Variants in SENP7 observed in about 807,000 individuals in gnomAD.
SENP7 encodes SUMO specific peptidase 7.
Under a neutral mutation model 141.2 loss-of-function variants are expected in SENP7, and 64 were observed. The ratio of observed to expected loss-of-function variants is 0.45; its 90% confidence interval spans 0.37 to 0.56. The LOEUF is 0.56. SENP7 is among the 20% of genes least tolerant of loss of function. SENP7 has a pLI of 0.00. For synonymous variants in SENP7, 382 were observed against 426.4 expected (o/e 0.90, Z 1.28); for missense variants, 1,025 against 1,212.2 (o/e 0.85, Z 2.29).
chr3:101,457,208 T>G, intron 4 of SENP7: 1 of 1,488,962 alleles, frequency 6.7e-7, no homozygotes, highest in South Asian at 1.1e-5. Flanking sequence ...CCCAGTAACT[T>G]CTTCAAGTTT....
At chr3:101,443,426 G>A (rs6781763) in intron 4 of SENP7, among the ~76,000 whole-genome samples, 59,269 of 150,288 alleles carry the variant, frequency 0.39, 12,227 homozygotes, top group Admixed American at 0.53. Context: ...TTGATTTGGC[G>A]ATGCGGGCTC....
At position 101,327,681 on chromosome 3, in the gene SENP7, C is replaced by G. The variant is rs769882507; in HGVS notation, c.3000G>C (p.Val1000=). 4 of 1,599,210 alleles carry G rather than the reference C, an allele frequency of 2.5e-6. No individual in the cohort carries two copies. Among genetic ancestry groups the G allele is most frequent in the Non-Finnish European group, 2.6e-6 (3 of 1,174,198 alleles). ...CTTCACATACCTTGAAGAAGCTTTC[C>G]ACATACTGCAATAAATATACTCCAC... ...SDCGVYLLQY[V]ESFFKDPIVN... is the part of the protein sequence containing the mutation. The change falls in exon 23 of 24, where the codon GTG becomes GTC. Residue 1000 remains valine, a synonymous_variant. Transcript: ENST00000394095.
At chr3:101,384,423 CA>C (rs1193067531) in intron 6 of SENP7, among the ~76,000 whole-genome samples, 1 of 152,252 alleles carries the variant, frequency 6.6e-6, no homozygotes. Context: ...TTCCCCTAGC[CA>C]GGGCTGTGAC....
rs374910493 is a variant in SENP7 at position 101,337,628 on chromosome 3, A to G, written c.2361T>C (p.Tyr787=). Residue 787 remains tyrosine, a synonymous_variant, in exon 17 of 24, where the codon TAT becomes TAC. Coordinates refer to ENST00000394095, the MANE Select transcript of SENP7 (RefSeq NM_020654.5). ...NDVIIDFYLK[Y]LILEKASDEL... ...CATCTGATGCCTTCTCCAATATAAG[A>G]TACCTGTAAAGTAGTAACCCCACAA... 6.3e-6 allele frequency: 10 copies of G among 1,596,010 alleles called. No homozygotes were observed. Among genetic ancestry groups the G allele is most frequent in the Non-Finnish European group, 8.5e-7 (1 of 1,173,156 alleles).
chr3:101,361,651 G>A, intron 11 of SENP7, 64 bp downstream of exon 11: 3 of 1,425,796 alleles, frequency 2.1e-6, no homozygotes, highest in South Asian at 3.5e-5. Context: ...GAAAAAAAAG[G>A]AAAAAAATTA....
chr3:101,510,147 A>G (rs144345767), intron 1 of SENP7, among the ~76,000 whole-genome samples: 3 of 152,342 alleles, frequency 2.0e-5, no homozygotes, highest in African/African-American at 7.2e-5. Flanking sequence ...TTTGTTGTTT[A>G]ACACTTTTAA....
intron 3 of SENP7, among the ~76,000 whole-genome samples, chr3:101,492,473 A>G (rs1040320625): frequency 1.3e-5 from 2 of 152,208 alleles, no homozygotes; most frequent in African/African-American, 4.8e-5. Context: ...AATAAATGCT[A>G]CAGTTATGGA....
intron 3 of SENP7, among the ~76,000 whole-genome samples, chr3:101,474,953 A>C (rs960494123): frequency 2.0e-5 from 3 of 152,232 alleles, no homozygotes; most frequent in Non-Finnish European, 4.4e-5. Flanking sequence ...ACAAGACCCA[A>C]CAGAATGCTG....
chr3:101,387,225 T>C (rs2060682560), intron 6 of SENP7, among the ~76,000 whole-genome samples: 1 of 152,118 alleles, frequency 6.6e-6, no homozygotes, highest in African/African-American at 2.4e-5. Context: ...ATGAATGTGC[T>C]GTCCAGGGAT....
intron 4 of SENP7, among the ~76,000 whole-genome samples, chr3:101,443,946 G>C (rs953878875): frequency 1.3e-5 from 2 of 150,804 alleles, no homozygotes; most frequent in African/African-American, 2.4e-5. Flanking sequence ...CCATCAGAGT[G>C]AACAGGCAAC....
At chr3:101,362,837 T>C (rs1169819104) in intron 10 of SENP7, among the ~76,000 whole-genome samples, 1 of 152,238 alleles carries the variant, frequency 6.6e-6, no homozygotes, top group Non-Finnish European at 1.5e-5. Flanking sequence ...CTCAAGTGAC[T>C]ATATAACTTT....
chr3:101,330,176 G>A (rs189001077), intron 20 of SENP7, among the ~76,000 whole-genome samples, 158 bp downstream of exon 20: 16 of 152,084 alleles, frequency 1.1e-4, no homozygotes, highest in African/African-American at 2.2e-4. Flanking sequence ...AACTAATCTC[G>A]TTCTCTTCCC....
intron 6 of SENP7, among the ~76,000 whole-genome samples, chr3:101,378,382 A>G (rs1456808902): frequency 6.6e-6 from 1 of 152,124 alleles, no homozygotes; most frequent in African/African-American, 2.4e-5. Context: ...AAGAAATACT[A>G]AAGATCAAAA....
intron 3 of SENP7, among the ~76,000 whole-genome samples, chr3:101,472,419 C>A (rs1457086243): frequency 6.7e-6 from 1 of 148,954 alleles, no homozygotes; most frequent in Non-Finnish European, 1.5e-5. Context: ...CCAAACACCG[C>A]ATGTTCTCAC....
intron 4 of SENP7, among the ~76,000 whole-genome samples, chr3:101,418,970 A>C (rs1024272847): frequency 2.6e-5 from 4 of 152,338 alleles, no homozygotes; most frequent in Middle Eastern, 3.4e-3. Context: ...AAAATAGTTG[A>C]GTTTTTGCCT....
chr3:101,488,829 A>C (rs2064840416), intron 3 of SENP7, among the ~76,000 whole-genome samples: 1 of 152,154 alleles, frequency 6.6e-6, no homozygotes. Context: ...CGACAGAGAG[A>C]GCCTTGCCTG....
At position 101,343,881 on chromosome 3, in the gene SENP7, A is replaced by G. The variant is rs778353528; in HGVS notation, c.1911T>C (p.Asp637=). The G allele has an allele frequency of 6.2e-7, 1 of 1,612,850 alleles. No individual in the cohort carries two copies. Among genetic ancestry groups the G allele is most frequent in the Non-Finnish European group, 8.5e-7 (1 of 1,179,094 alleles). The part of the protein sequence containing the change: ...VSQREELKLK[D]IMTEISIISG... ...TGATTATACTTATTTCCGTCATAAT[A>G]TCTTTCAGCTTCAATTCTTCTCTTT... Residue 637 remains aspartate (D), a synonymous_variant, in exon 14 of 24, where the codon GAT becomes GAC. Transcript: ENST00000394095.
chr3:101,347,203 C>G (rs536015817), intron 13 of SENP7: 2 of 151,502 alleles, frequency 1.3e-5, no homozygotes, highest in African/African-American at 4.9e-5. Flanking sequence ...GCCCAGGCAA[C>G]AGAGTAAGAT....
At chr3:101,406,923 C>T (rs189277213) in intron 5 of SENP7, among the ~76,000 whole-genome samples, 111 of 152,314 alleles carry the variant, frequency 7.3e-4, no homozygotes, top group African/African-American at 2.5e-3. Context: ...CTTCACCCTC[C>T]TCAAACAAAA....
Sources: allele counts gnomAD v4.1 joint callset (sites outside exome capture counted in the v4.1 genomes callset), GRCh38; gene constraint gnomAD v4.1.1; transcripts MANE v1.5; gene names NCBI Gene and HGNC (gene_info 2026-07-23, HGNC 2026-07-21).